CCDC148: variants seen among roughly 807,000 people sequenced by gnomAD.
CCDC148 encodes coiled-coil domain containing 148, also known as coiled-coil domain-containing protein 148.
Under a neutral mutation model 85.7 loss-of-function variants are expected in CCDC148, and 89 were observed. The observed-to-expected ratio is 1.04, with a 90% CI of 0.87 to 1.24. The LOEUF is 1.24. Among genes scored for constraint, CCDC148 ranks in the 50% most tolerant of loss-of-function variants. CCDC148 has a pLI of 0.00. For synonymous variants in CCDC148, 230 were observed against 213.9 expected, an observed-to-expected ratio of 1.08 and a Z score of -0.66; for missense variants, 692 against 671.7, an observed-to-expected ratio of 1.03 and a Z score of -0.33.
intron 1 of CCDC148, among the ~76,000 whole-genome samples, chr2:158,362,497 A>G (rs1290591834): frequency 2.0e-5 from 3 of 152,194 alleles, no homozygotes; most frequent in Non-Finnish European, 2.9e-5. Context: ...TCAAATTAGA[A>G]CTCAGCATTA....
At chr2:158,174,644 A>G (rs1684485653) in intron 13 of CCDC148, among the ~76,000 whole-genome samples, 2 of 152,062 alleles carry the variant, frequency 1.3e-5, no homozygotes, top group Admixed American at 6.6e-5. Context: ...GTTATATGAT[A>G]TAGGCCATTG....
chr2:158,243,041 T>C (rs796249518), intron 10 of CCDC148, among the ~76,000 whole-genome samples: 45 of 152,130 alleles, frequency 3.0e-4, no homozygotes, highest in African/African-American at 1.0e-3. Context: ...CTCAGCCCTG[T>C]CTCTCTCTTA....
intron 1 of CCDC148, among the ~76,000 whole-genome samples, chr2:158,377,316 G>A (rs1190941642): frequency 6.6e-6 from 1 of 151,834 alleles, no homozygotes; most frequent in Non-Finnish European, 1.5e-5. Flanking sequence ...TGTAACACAA[G>A]GACAAACAGA....
intron 3 of CCDC148, among the ~76,000 whole-genome samples, chr2:158,341,840 C>T (rs1288172550): frequency 1.3e-5 from 2 of 149,674 alleles, no homozygotes; most frequent in Non-Finnish European, 1.5e-5. Context: ...AGTTTCTAGC[C>T]CTTATCTAAA....
intron 10 of CCDC148, among the ~76,000 whole-genome samples, chr2:158,235,489 T>C (rs1317273772): frequency 6.6e-6 from 1 of 152,226 alleles, no homozygotes; most frequent in African/African-American, 2.4e-5. Flanking sequence ...AAATTTCTAC[T>C]GAAAATGCTA....
chr2:158,374,564 G>C lies in CCDC148; in HGVS notation c.26-15994C>G, dbSNP rs1684579583. Reference sequence around the variant, plus strand: ...AAAAAAGCCTAAATGCCCACACGTAGACCAAACTGAAGAGGATGCTGCAAT... The same window carrying C: ...AAAAAAGCCTAAATGCCCACACGTACACCAAACTGAAGAGGATGCTGCAAT... On this transcript the variant is annotated intron_variant, in intron 1 of 13. Coordinates refer to ENST00000283233, the MANE Select transcript of CCDC148 (RefSeq NM_138803.4). Among the ~76,000 whole-genome samples, 5 of 151,876 alleles carry C rather than the reference G, an allele frequency of 3.3e-5. No individual in the cohort carries two copies. In the South Asian group the frequency reaches 1.0e-3, roughly 32 times the overall value.
chr2:158,376,390 A>G (rs1280608446), intron 1 of CCDC148, among the ~76,000 whole-genome samples: 21 of 152,076 alleles, frequency 1.4e-4, no homozygotes, highest in Admixed American at 1.4e-3. Flanking sequence ...GTTTTCCATG[A>G]AGGATCAGTT....
chr2:158,219,744 C>G (rs1361828408), intron 11 of CCDC148, among the ~76,000 whole-genome samples: 2 of 152,210 alleles, frequency 1.3e-5, no homozygotes, highest in African/African-American at 4.8e-5. Flanking sequence ...TGAACTAGCT[C>G]TATCTTAACG....
At chr2:158,344,727 T>G (rs1181200398) in intron 3 of CCDC148, among the ~76,000 whole-genome samples, 2 of 152,154 alleles carry the variant, frequency 1.3e-5, no homozygotes, top group Admixed American at 6.5e-5. Context: ...AAGTTAGTCA[T>G]GATGCACTTA....
chr2:158,194,056 A>T (rs1685550294), intron 11 of CCDC148, among the ~76,000 whole-genome samples: 1 of 152,100 alleles, frequency 6.6e-6, no homozygotes, highest in African/African-American at 2.4e-5. Flanking sequence ...TTTAAAGGGT[A>T]TTCTCTGATA....
At chr2:158,267,727 C>T (rs1689530675) in intron 9 of CCDC148, among the ~76,000 whole-genome samples, 1 of 152,182 alleles carries the variant, frequency 6.6e-6, no homozygotes, top group Non-Finnish European at 1.5e-5. Flanking sequence ...TGTCCATTAT[C>T]TCTCTGCCTT....
intron 1 of CCDC148, among the ~76,000 whole-genome samples, chr2:158,413,299 A>G (rs1026971029): frequency 6.6e-6 from 1 of 152,154 alleles, no homozygotes; most frequent in Non-Finnish European, 1.5e-5. Flanking sequence ...TTTCTAATGT[A>G]TTACAAATCA....
intron 1 of CCDC148, among the ~76,000 whole-genome samples, chr2:158,437,678 A>G (rs900493805): frequency 1.2e-4 from 19 of 152,226 alleles, no homozygotes; most frequent in Non-Finnish European, 1.9e-4. Context: ...GGAAAAGAGG[A>G]AGTCAAATTG....
Position 158,434,742 on chromosome 2 carries a change from G to A in CCDC148, c.25+21673C>T, listed in dbSNP as rs183189647. Reference sequence around the variant, plus strand: ...TAAAAACCTTGAAAAAAGATGAGACGAATGGCTAACTAGAATAAACAGTGC... The same window carrying A: ...TAAAAACCTTGAAAAAAGATGAGACAAATGGCTAACTAGAATAAACAGTGC... On this transcript the variant is annotated intron_variant, in intron 1 of 13. Transcript: ENST00000283233. Among the ~76,000 whole-genome samples, 7 of 152,228 alleles carry A rather than the reference G, an allele frequency of 4.6e-5. No individual in the cohort carries two copies. In the East Asian group the frequency reaches 5.8e-4, roughly 13 times the overall value.
intron 11 of CCDC148, among the ~76,000 whole-genome samples, chr2:158,219,280 TC>T (rs1412262952): frequency 6.6e-6 from 1 of 152,186 alleles, no homozygotes; most frequent in Non-Finnish European, 1.5e-5. Flanking sequence ...AGCTCTCTCT[TC>T]TTTATCTTTG....
rs1334768913 is a variant in CCDC148 at position 158,219,070 on chromosome 2, G to C, written c.1370+1525C>G. Among the ~76,000 whole-genome samples the C allele has an allele frequency of 5.3e-5, 8 of 152,264 alleles. No individual in the cohort carries two copies. In the East Asian group the frequency reaches 1.5e-3, roughly 29 times the overall value. ...GAATCTCATTGTATCAAATGGTTAT[G>C]CCTTCCAAAATTATATGTGAGTCTG... is the stretch of plus-strand genomic sequence containing the variant. On this transcript the variant is annotated intron_variant, in intron 11 of 13. Transcript: ENST00000283233.
intron 10 of CCDC148, among the ~76,000 whole-genome samples, chr2:158,243,227 T>C (rs1286370451): frequency 6.6e-6 from 1 of 152,092 alleles, no homozygotes; most frequent in Non-Finnish European, 1.5e-5. Context: ...AGCCACAGTC[T>C]CTAATACCTG....
intron 1 of CCDC148, among the ~76,000 whole-genome samples, chr2:158,373,374 A>G (rs1193460673): frequency 1.3e-5 from 2 of 152,068 alleles, no homozygotes; most frequent in Non-Finnish European, 2.9e-5. Context: ...TGTTTAAGTC[A>G]CTAAGGTTGT....
intron 2 of CCDC148, among the ~76,000 whole-genome samples, chr2:158,354,844 A>G (rs1486293500): frequency 3.3e-5 from 5 of 151,508 alleles, no homozygotes; most frequent in Non-Finnish European, 7.4e-5. Context: ...ATACTGGCAA[A>G]ACGAATCCAG....
Sources: gnomAD v4.1 joint callset for allele counts (sites outside exome capture counted in the v4.1 genomes callset) on GRCh38, gnomAD v4.1.1 for gene constraint, MANE v1.5 for transcripts, NCBI Gene and HGNC (gene_info 2026-07-23, HGNC 2026-07-21) for gene names.